PEX16: variants seen among roughly 807,000 people sequenced by gnomAD.
PEX16 encodes the protein peroxisomal biogenesis factor 16, also known as peroxin 16.
Under a neutral mutation model 50.5 loss-of-function variants are expected in PEX16, and 37 were observed. The ratio of observed to expected loss-of-function variants is 0.73; its 90% CI spans 0.56 to 0.96. PEX16 has a LOEUF of 0.96. PEX16 is among the 40% of genes least tolerant of loss of function. The pLI, the probability that PEX16 is intolerant of heterozygous loss-of-function variation, is 0.00. For missense variants in PEX16, 401 were observed against 438.3 expected (o/e 0.91, Z 0.76); for synonymous variants, 185 against 190.3 (o/e 0.97, Z 0.23).
chr11:45,910,857 C>T lies in PEX16; in HGVS notation c.952+41G>A, dbSNP rs371721840. On this transcript the variant is annotated intron_variant, in intron 10 of 10. Transcript: ENST00000378750. ...TCAGGGAGGTGCTTGCATGCATGCGCCTTCCAGCACTACAGTCATCGCGTC... is the reference window on the plus strand; with the variant it reads ...TCAGGGAGGTGCTTGCATGCATGCGTCTTCCAGCACTACAGTCATCGCGTC... 95 of 1,562,722 alleles carry T rather than the reference C, an allele frequency of 6.1e-5. No individual in the cohort carries two copies. In the African/African-American group the frequency reaches 1.1e-3, roughly 18 times the overall value.
In PEX16 at chr11:45,917,689, C is replaced by A; in HGVS notation, c.112+11G>T. On this transcript the variant is annotated intron_variant, in intron 1 of 10. Transcript: ENST00000378750. ...GGCCCAGAAGGAACTGATCAAAGGT[C>A]AGGGTGGCACCTGCCAGCAGGTAAC... The A allele has an allele frequency of 6.4e-7, 1 of 1,550,774 alleles. No individual in the cohort carries two copies. The highest frequency in any genetic ancestry group is 8.7e-7 in the Non-Finnish European group (1 of 1,145,266).
Position 45,910,271 on chromosome 11 carries a change from A to C in PEX16, c.994T>G (p.Phe332Val). The change falls in exon 11 of 11, where the codon TTC (phenylalanine) becomes GTC (valine). Residue 332 changes from phenylalanine (F) to valine (V), a missense_variant. Physicochemically the swap from Phe to Val is conservative, Grantham distance 50. Coordinates refer to ENST00000378750, the MANE Select transcript of PEX16 (RefSeq NM_004813.4). The part of the protein sequence containing the change: ...DYLPTWQKIY[F>V]YSWG ...GAGGTCTGTCAGCCCCAACTGTAGA[A>C]GTAGATTTTCTGCCAGGTGGGCAAG... 1 of 1,613,826 alleles carries C rather than the reference A, an allele frequency of 6.2e-7. No homozygotes were observed. Among genetic ancestry groups the C allele is most frequent in the Non-Finnish European group, 8.5e-7 (1 of 1,179,900 alleles).
chr11:45,917,863 C>T lies in PEX16; in HGVS notation c.-52G>A, dbSNP rs373938912. The T allele has an allele frequency of 1.5e-6, 2 of 1,311,582 alleles. No homozygotes were observed. Among genetic ancestry groups the T allele is most frequent in the South Asian group, 1.3e-5 (1 of 79,598 alleles). The allele number at this position is 1,311,582 out of a possible 1,614,324, so 81.2% of individuals were successfully genotyped here. ...AGAAGGACCGTACGACAGGCTGCGG[C>T]GCCCTGCTTCCTGCGCCCTCCTTCC... On this transcript the variant is annotated 5_prime_UTR_variant, in exon 1 of 11. Transcript: ENST00000378750.
chr11:45,916,442 C>T (rs2086836880), intron 2 of PEX16, 139 bp from the exon 3 acceptor site: 2 of 755,366 alleles, frequency 2.6e-6, no homozygotes, highest in African/African-American at 1.7e-5. Flanking sequence ...CCTTCTTCTC[C>T]ACCCACTTCC....
At chr11:45,917,125 C>G (rs747791014) in intron 2 of PEX16, 2 of 622,910 alleles carry the variant, frequency 3.2e-6, no homozygotes, top group South Asian at 3.0e-5. Flanking sequence ...TGTTCTCTAA[C>G]CTCACTGAGC....
rs1382553896 is a variant in PEX16 at position 45,914,486 on chromosome 11, C to G, written c.542-18G>C. 6.2e-7 allele frequency: 1 copy of G among 1,608,180 alleles called. No homozygotes were observed. Among genetic ancestry groups the G allele is most frequent in the Non-Finnish European group, 8.5e-7 (1 of 1,179,754 alleles). On this transcript the variant is annotated intron_variant, in intron 6 of 10. Coordinates refer to ENST00000378750, the MANE Select transcript of PEX16 (RefSeq NM_004813.4). ...GGACGGCGCTAGAACACAAGGGCGGCAGATGAGCGAGCCAGGCCCAGGCTG... is the reference window on the plus strand; with the variant it reads ...GGACGGCGCTAGAACACAAGGGCGGGAGATGAGCGAGCCAGGCCCAGGCTG...
chr11:45,917,844 A>G lies in PEX16; in HGVS notation c.-33T>C. The G allele has an allele frequency of 6.9e-7, 1 of 1,443,750 alleles. No individual in the cohort carries two copies. The highest frequency in any genetic ancestry group is 9.4e-7 in the Non-Finnish European group (1 of 1,062,090). 89.4% of individuals were successfully genotyped at this position (1,443,750 alleles called of 1,614,324 possible). On this transcript the variant is annotated 5_prime_UTR_variant, in exon 1 of 11. Coordinates refer to ENST00000378750, the MANE Select transcript of PEX16 (RefSeq NM_004813.4). ...TCGGCACCGACAGACCCACAGAAGG[A>G]CCGTACGACAGGCTGCGGCGCCCTG...
Position 45,915,481 on chromosome 11 carries a change from C to A in PEX16, c.447G>T (p.Gln149His). The change falls in exon 5 of 11, where the codon CAG (glutamine) becomes CAT (histidine). Residue 149 changes from glutamine (Q) to histidine (H), a missense_variant. Gln to His is a conservative substitution (Grantham distance 24). Transcript: ENST00000378750. Reference protein sequence around the residue: ...PPIVPLDRETQAQPPDGDHSP... With the variant: ...PPIVPLDRETHAQPPDGDHSP... Reference sequence around the variant, plus strand: ...GAAGTAGCTCACCCGGGGGCTGTGCCTGGGTCTCTCTGTCCAGTGGAACGA... The same window carrying A: ...GAAGTAGCTCACCCGGGGGCTGTGCATGGGTCTCTCTGTCCAGTGGAACGA... 6.2e-7 allele frequency: 1 copy of A among 1,614,112 alleles called. No individual in the cohort carries two copies. The highest frequency in any genetic ancestry group is 1.6e-4 in the Middle Eastern group (1 of 6,062).
chr11:45,913,950 G>A lies in PEX16; in HGVS notation c.768-12C>T, dbSNP rs773840409. 1.8e-5 allele frequency: 29 copies of A among 1,611,730 alleles called. No homozygotes were observed. Among genetic ancestry groups the A allele is most frequent in the Non-Finnish European group, 2.3e-5 (27 of 1,179,948 alleles). On this transcript the variant is annotated splice_polypyrimidine_tract_variant and intron_variant, in intron 8 of 10. Transcript: ENST00000378750. ...TCAGGAGGCTCAGGCTGGGAGGCAG[G>A]GAGGACATGGTCAGGGCCAGGGGCA...
upstream of PEX16, chr11:45,918,758 G>A (rs1417873459): frequency 1.3e-5 from 2 of 152,234 alleles, no homozygotes; most frequent in African/African-American, 4.8e-5. Flanking sequence ...GAGACCCCTG[G>A]GGAGTATCTT....
At chr11:45,913,734 G>T in intron 9 of PEX16, 85 bp downstream of exon 9, 2 of 1,493,456 alleles carry the variant, frequency 1.3e-6, no homozygotes, top group Non-Finnish European at 1.9e-6. Flanking sequence ...ATGAGGCGTG[G>T]GGAAGGGAAG....
rs1482183914 is a variant in PEX16 at position 45,917,474 on chromosome 11, G to C, written c.132C>G (p.His44Gln). ...CCGGCTCACCCAGCTCTGACAGCTC[G>C]TGCGAATCGGCGAATCGACCTGGGG... ...YLLAGRFADS[H>Q]ELSELVYSAS... Residue 44 changes from histidine to glutamine, a missense_variant, in exon 2 of 11, where the codon CAC (histidine) becomes CAG (glutamine). His to Gln is a conservative substitution (Grantham distance 24, BLOSUM62 0). Transcript: ENST00000378750. The C allele has an allele frequency of 3.1e-6, 5 of 1,613,966 alleles. No homozygotes were observed. The highest frequency in any genetic ancestry group is 4.2e-6 in the Non-Finnish European group (5 of 1,179,954).
In PEX16 at chr11:45,909,853, C is replaced by T. The variant is rs749654004; in HGVS notation, c.*401G>A. The T allele has an allele frequency of 2.4e-5, 14 of 573,038 alleles. No individual in the cohort carries two copies. Among genetic ancestry groups the T allele is most frequent in the Non-Finnish European group, 3.8e-5 (12 of 318,566 alleles). The allele number at this position is 573,038 out of a possible 1,614,324, so 35.5% of individuals were successfully genotyped here. ...GACGGAGGGCCCCAGCCAGAAGACA[C>T]GCTGGGCAGCGTTCAGCCATCACCC... On this transcript the variant is annotated 3_prime_UTR_variant, in exon 11 of 11. Coordinates refer to ENST00000378750, the MANE Select transcript of PEX16 (RefSeq NM_004813.4).
At chr11:45,913,970 G>A (rs767175803) in intron 8 of PEX16, 32 bp from the exon 9 acceptor site, 3 of 1,610,544 alleles carry the variant, frequency 1.9e-6, no homozygotes, top group East Asian at 2.2e-5. Flanking sequence ...GTCAGGGCCA[G>A]GGGCATGATC....
upstream of PEX16, chr11:45,918,025 G>A (rs1482498712): frequency 6.4e-6 from 4 of 622,674 alleles, no homozygotes; most frequent in East Asian, 2.8e-5. Flanking sequence ...AGCAACTGAG[G>A]GCCCAAACCC....
In PEX16 at chr11:45,917,821, G is replaced by T; in HGVS notation, c.-10C>A. 1 of 1,522,452 alleles carries T rather than the reference G, an allele frequency of 6.6e-7. No individual in the cohort carries two copies. The highest frequency in any genetic ancestry group is 8.8e-7 in the Non-Finnish European group (1 of 1,131,670). 94.3% of individuals were successfully genotyped at this position (1,522,452 alleles called of 1,614,324 possible). A position where few individuals can be genotyped will look rare whatever the true frequency, so the allele number is the denominator to read the frequency against. ...GCCGCAGCTTCTCCATCCTGCCCTCGGCACCGACAGACCCACAGAAGGACC... is the reference window on the plus strand; with the variant it reads ...GCCGCAGCTTCTCCATCCTGCCCTCTGCACCGACAGACCCACAGAAGGACC... On this transcript the variant is annotated 5_prime_UTR_variant, in exon 1 of 11. Coordinates refer to ENST00000378750, the MANE Select transcript of PEX16 (RefSeq NM_004813.4).
intron 3 of PEX16, 140 bp downstream of exon 3, chr11:45,916,087 C>G (rs1052575853): frequency 5.0e-6 from 4 of 803,434 alleles, no homozygotes; most frequent in African/African-American, 1.7e-5. Context: ...TACAGGTCAC[C>G]TAATGAGATG....
upstream of PEX16, chr11:45,917,929 C>T (rs1448932850): frequency 2.3e-5 from 18 of 771,964 alleles, no homozygotes; most frequent in Non-Finnish European, 3.5e-5. Context: ...GCTTAACTTC[C>T]GCGGGCCAGA....
At position 45,909,971 on chromosome 11, in the gene PEX16, T is replaced by A. The variant is rs1469808995; in HGVS notation, c.*283A>T. The A allele has an allele frequency of 4.3e-6, 4 of 924,026 alleles. No homozygotes were observed. The allele number at this position is 924,026 out of a possible 1,614,324, so 57.2% of individuals were successfully genotyped here. A position where few individuals can be genotyped will look rare whatever the true frequency, so the allele number is the denominator to read the frequency against. ...GAGGCGAGCAGCTTCCCGGGCTCCA[T>A]GAGGTGAAGTCACCGCTTTCTGTGG... On this transcript the variant is annotated 3_prime_UTR_variant, in exon 11 of 11. Coordinates refer to ENST00000378750, the MANE Select transcript of PEX16 (RefSeq NM_004813.4).
Sources: allele counts gnomAD v4.1 joint callset, GRCh38; gene constraint gnomAD v4.1.1; transcripts MANE v1.5; gene names NCBI Gene and HGNC (gene_info 2026-07-23, HGNC 2026-07-21).